PRKD2: variants seen among roughly 807,000 people sequenced by gnomAD.
The protein encoded by PRKD2 is serine/threonine-protein kinase D2.
A neutral mutation model predicts 86.0 loss-of-function variants in PRKD2; 22 were observed. The ratio of observed to expected loss-of-function variants is 0.26; its 90% CI spans 0.18 to 0.37. The LOEUF is 0.37. Among genes scored for constraint, PRKD2 ranks in the 10% least tolerant of loss-of-function variants. The pLI, the probability that PRKD2 is intolerant of heterozygous loss-of-function variation, is 1.00. For missense variants in PRKD2, 818 were observed against 1,199.2 expected (o/e 0.68, Z 4.70); for synonymous variants, 509 against 510.9 (o/e 1.00, Z 0.05).
rs77679876 is a variant in PRKD2 at position 46,714,575 on chromosome 19, C to A, written c.241-574G>T. The A allele has an allele frequency of 7.4e-3, 1,127 of 151,872 alleles. 13 individuals are homozygous for A. The highest frequency in any genetic ancestry group is 0.013 in the Non-Finnish European group (882 of 67,998). The allele number at this position is 151,872 out of a possible 1,614,324, so 9.4% of individuals were successfully genotyped here. A position where few individuals can be genotyped will look rare whatever the true frequency, so the allele number is the denominator to read the frequency against. ...AGGACCCAGGTGTCTGGGTCCTCAG[C>A]TTTGGGGGCCTGGGGGCAGGAAATG... On this transcript the variant is annotated intron_variant, in intron 1 of 17. Coordinates refer to ENST00000291281, the MANE Select transcript of PRKD2 (RefSeq NM_016457.5).
Position 46,716,753 on chromosome 19 carries a change from A to C in PRKD2, c.-383T>G. The C allele has an allele frequency of 6.3e-6, 1 of 159,970 alleles. No individual in the cohort carries two copies. The allele number at this position is 159,970 out of a possible 1,614,324, so 9.9% of individuals were successfully genotyped here. A position where few individuals can be genotyped will look rare whatever the true frequency, so the allele number is the denominator to read the frequency against. ...AGGGATTGAGAAGGGGGCAGAGGGA[A>C]TCCCAGGATCCAGTGCTCCAAGAAG... On this transcript the variant is annotated 5_prime_UTR_variant, in exon 1 of 18. Transcript: ENST00000291281. This position sits in a 1 kb window ranked among gnomAD's most constrained non-coding sequence, Gnocchi z 7.9.
intron 3 of PRKD2, chr19:46,709,244 G>T: frequency 6.2e-6 from 1 of 161,364 alleles, no homozygotes. Context: ...AAGTGCTGGG[G>T]TTACAGGTGT....
In PRKD2 at chr19:46,678,520, G is replaced by A. The variant is rs982819869; in HGVS notation, c.2214C>T (p.Gly738=). ...YNRSLDMWSV[G]VIMYVSLSGT... ...CGCTGAGGCTGACGTACATGATCACGCCCACTGACCACATGTCCAGCGAGC... is the reference window on the plus strand; with the variant it reads ...CGCTGAGGCTGACGTACATGATCACACCCACTGACCACATGTCCAGCGAGC... The change falls in exon 16 of 18, where the codon GGC becomes GGT. Residue 738 remains glycine, a synonymous_variant. Transcript: ENST00000291281. The surrounding 1 kb of genome is among the most constrained non-coding windows in gnomAD (Gnocchi z 5.7). 12 of 1,614,092 alleles carry A rather than the reference G, an allele frequency of 7.4e-6. No individual in the cohort carries two copies. The highest frequency in any genetic ancestry group is 1.1e-5 in the South Asian group (1 of 91,084).
intron 5 of PRKD2, among the ~76,000 whole-genome samples, chr19:46,701,842 C>G (rs1366991398): frequency 6.6e-6 from 1 of 151,928 alleles, no homozygotes; most frequent in Non-Finnish European, 1.5e-5. Flanking sequence ...CTACTGGATG[C>G]CAGTAGCACT....
chr19:46,708,985 T>TGG lies in PRKD2; in HGVS notation c.511+1921_511+1922insCC, dbSNP rs2053761710. 4.8e-5 allele frequency among the ~76,000 whole-genome samples: 7 copies of TGG among 145,902 alleles called. No homozygotes were observed. In the East Asian group the frequency reaches 1.4e-3, roughly 29 times the overall value. ...GGTTTGTTTGTGGTTTTTTTTTTTT[T>TGG]TTTTTTTTTTGAGACGGAGTCTCGC... is the stretch of plus-strand genomic sequence containing the variant. On this transcript the variant is annotated intron_variant, in intron 3 of 17. Coordinates refer to ENST00000291281, the MANE Select transcript of PRKD2 (RefSeq NM_016457.5).
rs1000374156 is a variant in PRKD2, at chr19:46,697,690, C to A, written c.1239+43G>T. The A allele has an allele frequency of 1.9e-6, 3 of 1,564,686 alleles. No homozygotes were observed. In the Admixed American group the frequency reaches 5.1e-5, roughly 26 times the overall value. Reference sequence around the variant, plus strand: ...TACTCAAGCTGAGCCGCCCCTCTTCCAGCCTTCGCTCCGCCGTACCCGGCC... The same window carrying A: ...TACTCAAGCTGAGCCGCCCCTCTTCAAGCCTTCGCTCCGCCGTACCCGGCC... On this transcript the variant is annotated intron_variant, in intron 8 of 17. Transcript: ENST00000291281.
At position 46,692,095 on chromosome 19, in the gene PRKD2, G is replaced by A. The variant is rs1331447453; in HGVS notation, c.1577-110C>T. 4.7e-6 allele frequency: 5 copies of A among 1,069,032 alleles called. No individual in the cohort carries two copies. In the East Asian group the frequency reaches 1.2e-4, roughly 26 times the overall value. The allele number at this position is 1,069,032 out of a possible 1,614,324, so 66.2% of individuals were successfully genotyped here. ...CAGGCCACCCAGATTTGAATCCAAT[G>A]TTCGATACAATGTGCAACTTCAGGC... On this transcript the variant is annotated intron_variant, in intron 10 of 17. Transcript: ENST00000291281.
rs116118950 is a variant in PRKD2, at chr19:46,694,203, G to A, written c.1318-70C>T. The stretch of plus-strand genomic sequence containing the variant: ...TTGGAATTCTAGTGCTTACCCAGAA[G>A]GATACACGGGATCCATGTTGATAGG... On this transcript the variant is annotated intron_variant, in intron 9 of 17. Coordinates refer to ENST00000291281, the MANE Select transcript of PRKD2 (RefSeq NM_016457.5). 6,516 of 1,561,716 alleles carry A rather than the reference G, an allele frequency of 4.2e-3. 213 individuals carry two copies. The African/African-American group carries it at 0.075, about 18-fold the overall frequency.
intron 13 of PRKD2, 104 bp downstream of exon 13, chr19:46,690,496 C>T (rs2053467516): frequency 2.1e-6 from 2 of 967,676 alleles, no homozygotes; most frequent in East Asian, 2.4e-5. Flanking sequence ...TCAGTCTCAA[C>T]ATGCACATGC....
chr19:46,690,700 T>A lies in PRKD2; in HGVS notation c.1709A>T (p.His570Leu). 2 of 1,614,022 alleles carry A rather than the reference T, an allele frequency of 1.2e-6. No individual in the cohort carries two copies. The highest frequency in any genetic ancestry group is 2.7e-5 in the African/African-American group (2 of 75,028). ...GQFGVVYGGK[H>L]RKTGRDVAVK... Reference sequence around the variant, plus strand: ...TGCCACGTCCCGGCCTGTCTTCCGGTGTTTTCCTGCACAGGGAGTAGAAGA... The same window carrying A: ...TGCCACGTCCCGGCCTGTCTTCCGGAGTTTTCCTGCACAGGGAGTAGAAGA... Residue 570 changes from histidine to leucine, a missense_variant, in exon 13 of 18, where the codon CAC becomes CTC. This residue lies in a region of PRKD2 where 154 missense variants were observed against 359.6 expected (regional missense o/e 0.43). Coordinates refer to ENST00000291281, the MANE Select transcript of PRKD2 (RefSeq NM_016457.5).
At chr19:46,685,706 C>A (rs1182212570) in intron 14 of PRKD2, 2 of 152,118 alleles carry the variant, frequency 1.3e-5, no homozygotes, top group Non-Finnish European at 2.9e-5. Context: ...CCCAGCACTT[C>A]AGGAGGCTGA....
At chr19:46,688,810 C>T (rs538914215) in intron 14 of PRKD2, 1 of 151,462 alleles carries the variant, frequency 6.6e-6, no homozygotes, top group African/African-American at 2.4e-5. Context: ...GGCGGGGTCT[C>T]GCTATGTTGC....
At chr19:46,714,064 A>G in intron 1 of PRKD2, 63 bp from the exon 2 acceptor site, 1 of 1,583,400 alleles carries the variant, frequency 6.3e-7, no homozygotes, top group Non-Finnish European at 8.6e-7. Flanking sequence ...CAGCGGGCGG[A>G]CTGTGACCCT....
intron 8 of PRKD2, 113 bp from the exon 9 acceptor site, chr19:46,697,347 T>G: frequency 1.3e-6 from 1 of 764,788 alleles, no homozygotes; most frequent in South Asian, 1.7e-5. Context: ...ACGCCGTAAC[T>G]CTAGCACCTA....
intron 5 of PRKD2, among the ~76,000 whole-genome samples, chr19:46,702,905 TCTTAAA>T (rs1568731673): frequency 6.6e-6 from 1 of 152,054 alleles, no homozygotes; most frequent in Non-Finnish European, 1.5e-5. Flanking sequence ...CCCAGGCTGG[TCTTAAA>T]CTCCTAGGCT....
chr19:46,698,991 A>C (rs1568728964), intron 7 of PRKD2, among the ~76,000 whole-genome samples: 1 of 152,122 alleles, frequency 6.6e-6, no homozygotes, highest in African/African-American at 2.4e-5. Context: ...GAGAAAGGGA[A>C]CCTGCGGCTT....
chr19:46,708,914 G>A (rs2122146620), intron 3 of PRKD2, among the ~76,000 whole-genome samples: 1 of 151,662 alleles, frequency 6.6e-6, no homozygotes, highest in South Asian at 2.1e-4. Flanking sequence ...GGCTAGGCGA[G>A]ATCCACAGTT....
At chr19:46,715,049 A>G (rs2053865747) in intron 1 of PRKD2, among the ~76,000 whole-genome samples, 2 of 152,194 alleles carry the variant, frequency 1.3e-5, no homozygotes, top group Admixed American at 6.5e-5. Context: ...AGATTCTGGA[A>G]TTTGGATATT....
intron 5 of PRKD2, among the ~76,000 whole-genome samples, 199 bp from the exon 6 acceptor site, chr19:46,701,311 G>A (rs558615971): frequency 4.6e-4 from 70 of 151,808 alleles, no homozygotes; most frequent in African/African-American, 1.4e-3. Context: ...TGATTAAGTA[G>A]GAGGGCTAGA....
Sources: gnomAD v4.1 joint callset for allele counts (sites outside exome capture counted in the v4.1 genomes callset) on GRCh38, gnomAD v4.1.1 for gene constraint, gnomAD v4.1.1 regional missense constraint, Gnocchi (gnomAD v3.1) non-coding constraint, MANE v1.5 for transcripts, NCBI Gene and HGNC (gene_info 2026-07-23, HGNC 2026-07-21) for gene names.